OTOG: variants seen among roughly 807,000 people sequenced by gnomAD.
OTOG encodes otogelin.
Under a neutral mutation model 313.8 loss-of-function variants are expected in OTOG, and 296 were observed. The ratio of observed to expected loss-of-function variants is 0.94; its 90% confidence interval spans 0.86 to 1.04. OTOG has a LOEUF of 1.04. Among genes scored for constraint, OTOG ranks in the 50% least tolerant of loss-of-function variants. The pLI is 0.00. For synonymous variants in OTOG, 1,533 were observed against 1,554.9 expected (o/e 0.99, Z 0.33); for missense variants, 3,948 against 3,840.1 (o/e 1.03, Z -0.74).
chr11:17,562,713 A>G (rs1271511238), intron 15 of OTOG, among the ~76,000 whole-genome samples: 1 of 152,248 alleles, frequency 6.6e-6, no homozygotes, highest in African/African-American at 2.4e-5. Context: ...GTTTAAAAAA[A>G]AATCTCTAAA....
chr11:17,610,308 C>A lies in OTOG; in HGVS notation c.5008C>A (p.Pro1670Thr), dbSNP rs761398662. 5 of 1,550,780 alleles carry A rather than the reference C, an allele frequency of 3.2e-6. No homozygotes were observed. Among genetic ancestry groups the A allele is most frequent in the East Asian group, 2.4e-5 (1 of 40,922 alleles). The change falls in exon 36 of 56, where the codon CCT (proline) becomes ACT (threonine). Residue 1670 changes from proline (P) to threonine (T), a missense_variant. Coordinates refer to ENST00000399397, the MANE Select transcript of OTOG (RefSeq NM_001292063.2). ...GGGATCCCACAAGGCTGTGCTGACA[C>A]CTGCAGTAACTAAGGTCATAAGCAG... Reference protein sequence around the residue: ...SSGSHKAVLTPAVTKVISRTG... With the variant: ...SSGSHKAVLTTAVTKVISRTG...
intron 10 of OTOG, among the ~76,000 whole-genome samples, 167 bp downstream of exon 10, chr11:17,558,811 T>G (rs1172449416): frequency 6.6e-6 from 1 of 152,218 alleles, no homozygotes; most frequent in Non-Finnish European, 1.5e-5. Flanking sequence ...CAACTGAGGC[T>G]TGGAAATGGG....
intron 15 of OTOG, among the ~76,000 whole-genome samples, chr11:17,562,060 T>A (rs1325901919): frequency 8.2e-5 from 12 of 146,594 alleles, no homozygotes; most frequent in African/African-American, 3.0e-4. Context: ...TATATATATA[T>A]ATATATATAT....
chr11:17,585,903 ATTAT>A (rs1852783013), intron 23 of OTOG, among the ~76,000 whole-genome samples: 1 of 152,224 alleles, frequency 6.6e-6, no homozygotes, highest in Admixed American at 6.5e-5. Context: ...TGAACAAAAA[ATTAT>A]TTATTGCCAA....
rs1416214131 is a variant in OTOG, at chr11:17,553,539, G to A, written c.540+20G>A. ...ATCCAGGTGAGGCCTCCCCTGCCTT[G>A]CCTGTCCAGGAATGCTTCTCTAGGC... On this transcript the variant is annotated intron_variant, in intron 6 of 55. Coordinates refer to ENST00000399397, the MANE Select transcript of OTOG (RefSeq NM_001292063.2). 2.3e-5 allele frequency: 32 copies of A among 1,421,002 alleles called. No individual in the cohort carries two copies. The highest frequency in any genetic ancestry group is 2.7e-5 in the Non-Finnish European group (29 of 1,085,038). The allele number at this position is 1,421,002 out of a possible 1,614,324, so 88.0% of individuals were successfully genotyped here.
At chr11:17,630,019 C>T (rs1168331107) in intron 40 of OTOG, among the ~76,000 whole-genome samples, 1 of 152,122 alleles carries the variant, frequency 6.6e-6, no homozygotes. Context: ...CATCCTCCAC[C>T]TGCACCCCGG....
chr11:17,573,030 G>A (rs1222885735), intron 18 of OTOG, 48 bp from the exon 19 acceptor site: 1 of 1,473,662 alleles, frequency 6.8e-7, no homozygotes, highest in African/African-American at 1.4e-5. Flanking sequence ...TGGGACACCA[G>A]GTAGACCGAC....
chr11:17,569,059 C>G, intron 15 of OTOG, 97 bp from the exon 16 acceptor site: 1 of 1,391,550 alleles, frequency 7.2e-7, no homozygotes, highest in South Asian at 1.4e-5. Flanking sequence ...GAAACTGTCT[C>G]TCAAGCTGGG....
Position 17,559,720 on chromosome 11 carries a change from C to T in OTOG, c.1342+58C>T, listed in dbSNP as rs1000088649. 6 of 1,533,590 alleles carry T rather than the reference C, an allele frequency of 3.9e-6. No individual in the cohort carries two copies. The East Asian group carries it at 7.5e-5, about 19-fold the overall frequency. 95.0% of individuals were successfully genotyped at this position (1,533,590 alleles called of 1,614,324 possible). On this transcript the variant is annotated intron_variant, in intron 12 of 55. Transcript: ENST00000399397. ...CATCTTCCTGGCCTGGCACAGATGG[C>T]CACGAAACAGGAGTTCAGAAGATAC...
Position 17,561,823 on chromosome 11 carries a change from C to A in OTOG, c.1644+16C>A, listed in dbSNP as rs1399053107. 8 of 1,549,768 alleles carry A rather than the reference C, an allele frequency of 5.2e-6. No individual in the cohort carries two copies. The Admixed American group carries it at 9.8e-5, about 19-fold the overall frequency. On this transcript the variant is annotated intron_variant, in intron 15 of 55. Coordinates refer to ENST00000399397, the MANE Select transcript of OTOG (RefSeq NM_001292063.2). ...ATGTGGCCTGGTAAGAGCTGGGGAT[C>A]CCCAGGCCCGATCCACCCAGCTACT...
At chr11:17,568,797 G>C (rs1388447889) in intron 15 of OTOG, among the ~76,000 whole-genome samples, 2 of 152,168 alleles carry the variant, frequency 1.3e-5, no homozygotes, top group African/African-American at 4.8e-5. Context: ...ACCCACAAAG[G>C]GATGAAATTA....
chr11:17,561,327 G>C (rs149723267), intron 14 of OTOG, among the ~76,000 whole-genome samples, 190 bp downstream of exon 14: 119 of 152,332 alleles, frequency 7.8e-4, no homozygotes, highest in African/African-American at 2.5e-3. Flanking sequence ...TGCCAGGAAG[G>C]GTTTTCCATG....
intron 1 of OTOG, 131 bp downstream of exon 1, chr11:17,547,597 A>G: frequency 7.9e-7 from 1 of 1,269,122 alleles, no homozygotes; most frequent in Non-Finnish European, 9.9e-7. Flanking sequence ...AGGGACACCC[A>G]GGAGGAGCAG....
intron 41 of OTOG, 60 bp from the exon 42 acceptor site, chr11:17,632,028 A>G: frequency 1.9e-6 from 3 of 1,541,438 alleles, no homozygotes; most frequent in Non-Finnish European, 2.6e-6. Context: ...GGAGGGGAGG[A>G]GCTGGGCACT....
At chr11:17,575,755 G>A (rs1423383024) in intron 20 of OTOG, among the ~76,000 whole-genome samples, 1 of 152,194 alleles carries the variant, frequency 6.6e-6, no homozygotes, top group Admixed American at 6.5e-5. Context: ...ATCCTCCCTT[G>A]AGATCCAGAT....
chr11:17,611,500 G>T, intron 36 of OTOG, 77 bp downstream of exon 36: 1 of 1,359,592 alleles, frequency 7.4e-7, no homozygotes, highest in South Asian at 1.5e-5. Context: ...GCTAGATGGA[G>T]TTTTAGTCGC....
chr11:17,552,446 C>G (rs905272085), intron 4 of OTOG, among the ~76,000 whole-genome samples: 4 of 152,042 alleles, frequency 2.6e-5, no homozygotes, highest in South Asian at 4.2e-4. Context: ...GTAGCCCCCA[C>G]TCCCTGTCCT....
rs775750327 is a variant in OTOG, at chr11:17,612,325, G to A, written c.6287G>A (p.Cys2096Tyr). Residue 2096 changes from cysteine (C) to tyrosine (Y), a missense_variant, in exon 37 of 56, where the codon TGT (cysteine) becomes TAT (tyrosine). Physicochemically the swap from Cys to Tyr is radical, Grantham distance 194 (BLOSUM62 -2). Transcript: ENST00000399397. ...GGDRCCPLWE[C>Y]ACRCSIFPDL... The stretch of plus-strand genomic sequence containing the variant: ...GACCGCTGCTGCCCACTCTGGGAGT[G>A]TGCCTGTGAGTCATGGGATCAGCGG... 5 of 1,531,628 alleles carry A rather than the reference G, an allele frequency of 3.3e-6. No individual in the cohort carries two copies. The highest frequency in any genetic ancestry group is 1.2e-5 in the South Asian group (1 of 83,022). 94.9% of individuals were successfully genotyped at this position (1,531,628 alleles called of 1,614,324 possible).
At position 17,610,206 on chromosome 11, in the gene OTOG, C is replaced by A. The variant is rs554471881; in HGVS notation, c.4906C>A (p.Gln1636Lys). The A allele has an allele frequency of 6.4e-7, 1 of 1,550,550 alleles. No homozygotes were observed. The highest frequency in any genetic ancestry group is 1.2e-5 in the South Asian group (1 of 84,048). The stretch of plus-strand genomic sequence containing the variant: ...CTTGCCTGTTAGGACGACACCCCCA[C>A]AGCCCTCCTTGACAGCAAGTCCCTC... Reference protein sequence around the residue: ...GSLPVRTTPPQPSLTASPSSR... With the variant: ...GSLPVRTTPPKPSLTASPSSR... The change falls in exon 36 of 56, where the codon CAG becomes AAG. Residue 1636 changes from glutamine to lysine, a missense_variant. By Grantham distance (53) the Gln-to-Lys change is moderately conservative (BLOSUM62 1). Coordinates refer to ENST00000399397, the MANE Select transcript of OTOG (RefSeq NM_001292063.2).
Sources: gnomAD v4.1 joint callset for allele counts (sites outside exome capture counted in the v4.1 genomes callset) on GRCh38, gnomAD v4.1.1 for gene constraint, MANE v1.5 for transcripts, NCBI Gene and HGNC (gene_info 2026-07-23, HGNC 2026-07-21) for gene names.